Variants in XIRP2 observed in about 807,000 individuals in gnomAD.
XIRP2 encodes the protein xin actin binding repeat containing 2.
In XIRP2, 236 loss-of-function variants were observed where a neutral mutation model predicts 277.0. The observed-to-expected ratio is 0.85, with a 90% CI of 0.77 to 0.95. The LOEUF (loss-of-function observed/expected upper bound fraction) is 0.95. Among genes scored for constraint, XIRP2 ranks in the 40% least tolerant of loss-of-function variants. XIRP2 has a pLI of 0.00. For synonymous variants in XIRP2, 1,490 were observed against 1,416.5 expected (o/e 1.05, Z -1.17); for missense variants, 4,640 against 4,157.5 (o/e 1.12, Z -3.19).
chr2:166,963,524 C>T (rs747806196), intron 2 of XIRP2, among the ~76,000 whole-genome samples: 3 of 151,822 alleles, frequency 2.0e-5, no homozygotes, highest in Admixed American at 1.3e-4. Flanking sequence ...GAGACTCTTT[C>T]GTAAGGAATG....
intron 2 of XIRP2, among the ~76,000 whole-genome samples, chr2:167,133,601 C>G (rs2105316275): frequency 6.6e-6 from 1 of 152,282 alleles, no homozygotes; most frequent in East Asian, 1.9e-4. Flanking sequence ...TATCATCAGT[C>G]TGAGTCCATG....
chr2:167,010,291 T>C (rs1484146600), intron 2 of XIRP2, among the ~76,000 whole-genome samples: 1 of 151,716 alleles, frequency 6.6e-6, no homozygotes, highest in Non-Finnish European at 1.5e-5. Flanking sequence ...TACATATGGC[T>C]AGCCAGTTTT....
chr2:167,178,360 C>A (rs1026539155), intron 3 of XIRP2, among the ~76,000 whole-genome samples: 4 of 151,996 alleles, frequency 2.6e-5, no homozygotes, highest in African/African-American at 9.7e-5. Context: ...TGCATTTAAA[C>A]TGAGGTATTT....
At chr2:166,985,402 A>G (rs951327578) in intron 2 of XIRP2, among the ~76,000 whole-genome samples, 7 of 151,978 alleles carry the variant, frequency 4.6e-5, no homozygotes, top group Non-Finnish European at 8.8e-5. Flanking sequence ...TTATGTCCAT[A>G]ATTACTACAA....
chr2:167,178,511 T>A (rs1692918240), intron 3 of XIRP2, among the ~76,000 whole-genome samples: 2 of 152,172 alleles, frequency 1.3e-5, no homozygotes, highest in Non-Finnish European at 1.5e-5. Flanking sequence ...TATTGTTTGA[T>A]TCGGGATGGT....
At chr2:167,159,138 G>T (rs914799007) in intron 3 of XIRP2, among the ~76,000 whole-genome samples, 3 of 152,142 alleles carry the variant, frequency 2.0e-5, no homozygotes, top group Non-Finnish European at 4.4e-5. Context: ...CTCTTCCTTG[G>T]TATACCGGGG....
chr2:166,904,898 T>A (rs2105338237), intron 2 of XIRP2, among the ~76,000 whole-genome samples: 1 of 152,228 alleles, frequency 6.6e-6, no homozygotes, highest in African/African-American at 2.4e-5. Context: ...AAATAGAATA[T>A]TTTTGAAAAT....
intron 2 of XIRP2, among the ~76,000 whole-genome samples, chr2:166,978,625 A>G (rs889351485): frequency 3.3e-5 from 5 of 152,116 alleles, no homozygotes; most frequent in Non-Finnish European, 7.4e-5. Context: ...CTTTTGGGAT[A>G]TTTTTGTGAA....
At chr2:166,907,277 T>C (rs1684547791) in intron 2 of XIRP2, among the ~76,000 whole-genome samples, 1 of 152,154 alleles carries the variant, frequency 6.6e-6, no homozygotes, top group Non-Finnish European at 1.5e-5. Flanking sequence ...TTACAAAAAT[T>C]TGTTGCAAAA....
intron 3 of XIRP2, among the ~76,000 whole-genome samples, chr2:167,163,157 G>A (rs73019982): frequency 0.099 from 15,042 of 152,162 alleles, 796 homozygotes; most frequent in South Asian, 0.15. Flanking sequence ...CAGGCTAATT[G>A]TGGACATATA....
chr2:167,044,683 A>G lies in XIRP2; in HGVS notation c.409-91226A>G, dbSNP rs886637036. Among the ~76,000 whole-genome samples the G allele has an allele frequency of 2.4e-4, 36 of 152,250 alleles. 1 individual carries two copies. The highest frequency in any genetic ancestry group is 7.9e-4 in the African/African-American group (33 of 41,572). ...AATTCTATTTACAATAACCACAAAAAGAATAGAATATAGCTAACCAGGGAG... is the reference window on the plus strand; with the variant it reads ...AATTCTATTTACAATAACCACAAAAGGAATAGAATATAGCTAACCAGGGAG... On this transcript the variant is annotated intron_variant, in intron 2 of 10. Transcript: ENST00000409195.
intron 3 of XIRP2, among the ~76,000 whole-genome samples, chr2:167,171,270 T>C (rs1459705205): frequency 6.6e-6 from 1 of 152,090 alleles, no homozygotes; most frequent in African/African-American, 2.4e-5. Context: ...CATTCTACAA[T>C]TTAAACATGT....
chr2:167,194,109 C>G (rs1693430531), intron 3 of XIRP2, among the ~76,000 whole-genome samples: 2 of 151,150 alleles, frequency 1.3e-5, no homozygotes, highest in South Asian at 4.2e-4. Flanking sequence ...TGAGATGGAG[C>G]CTCACTCTGT....
intron 2 of XIRP2, among the ~76,000 whole-genome samples, chr2:166,914,523 G>C (rs899025965): frequency 6.6e-6 from 1 of 151,988 alleles, no homozygotes; most frequent in Non-Finnish European, 1.5e-5. Context: ...TGTATTTTTA[G>C]TAGAGATGGG....
At chr2:167,237,799 AT>A (rs1186153107) in intron 5 of XIRP2, among the ~76,000 whole-genome samples, 1 of 152,078 alleles carries the variant, frequency 6.6e-6, no homozygotes, top group African/African-American at 2.4e-5. Flanking sequence ...GGTACTTCCT[AT>A]TTCTCAGTGT....
At chr2:167,035,317 A>G (rs1688480570) in intron 2 of XIRP2, among the ~76,000 whole-genome samples, 2 of 152,222 alleles carry the variant, frequency 1.3e-5, no homozygotes, top group African/African-American at 4.8e-5. Context: ...GGAACTTCCT[A>G]GAGACTTGTT....
chr2:167,068,051 T>C (rs1018609090), intron 2 of XIRP2, among the ~76,000 whole-genome samples: 5 of 152,308 alleles, frequency 3.3e-5, no homozygotes, highest in Non-Finnish European at 5.9e-5. Context: ...TATTAGTCTT[T>C]TTTAGTTCTG....
At chr2:166,893,686 T>G (rs1030716517) in intron 1 of XIRP2, among the ~76,000 whole-genome samples, 3 of 152,170 alleles carry the variant, frequency 2.0e-5, no homozygotes, top group Non-Finnish European at 2.9e-5. Flanking sequence ...GCACATTTTC[T>G]TTTTTAGAAA....
intron 2 of XIRP2, among the ~76,000 whole-genome samples, chr2:167,128,880 G>A (rs1234456371): frequency 6.6e-6 from 1 of 152,042 alleles, no homozygotes; most frequent in Non-Finnish European, 1.5e-5. Flanking sequence ...AATCATTTTT[G>A]TAGTTATGGT....
Sources: gnomAD v4.1 joint callset for allele counts (sites outside exome capture counted in the v4.1 genomes callset) on GRCh38, gnomAD v4.1.1 for gene constraint, MANE v1.5 for transcripts, NCBI Gene and HGNC (gene_info 2026-07-23, HGNC 2026-07-21) for gene names.